CACNA1E: variants seen among roughly 807,000 people sequenced by gnomAD.
The protein encoded by CACNA1E is calcium voltage-gated channel subunit alpha1 E.
Under a neutral mutation model 259.2 loss-of-function variants are expected in CACNA1E, and 40 were observed. The ratio of observed to expected loss-of-function variants is 0.15; its 90% CI spans 0.12 to 0.20. The LOEUF (loss-of-function observed/expected upper bound fraction) is 0.20, where lower values mean the gene tolerates loss of function less well. Ranked by LOEUF, CACNA1E falls within the 10% of genes least tolerant of loss-of-function variation. CACNA1E has a pLI of 1.00. For synonymous variants in CACNA1E, 1,104 were observed against 1,138.5 expected, an observed-to-expected ratio of 0.97 and a Z score of 0.61; for missense variants, 1,874 against 3,040.1, an observed-to-expected ratio of 0.62 and a Z score of 9.02.
chr1:181,622,442 C>T (rs1456738571), intron 6 of CACNA1E, among the ~76,000 whole-genome samples: 1 of 152,186 alleles, frequency 6.6e-6, no homozygotes, highest in East Asian at 1.9e-4. Flanking sequence ...GTTCTGGAGG[C>T]TGGGAGTCCT....
chr1:181,600,288 T>A (rs552733999), intron 6 of CACNA1E, among the ~76,000 whole-genome samples: 1 of 152,290 alleles, frequency 6.6e-6, no homozygotes, highest in South Asian at 2.1e-4. Context: ...CAGGGCCAGA[T>A]CAGGTTGGGC....
intron 7 of CACNA1E, among the ~76,000 whole-genome samples, chr1:181,657,137 A>C (rs1659272641): frequency 6.6e-6 from 1 of 152,250 alleles, no homozygotes; most frequent in Non-Finnish European, 1.5e-5. Context: ...AATTGTTACC[A>C]GTAAGAAATA....
intron 6 of CACNA1E, among the ~76,000 whole-genome samples, chr1:181,639,246 C>T (rs139044407): frequency 6.6e-5 from 10 of 152,208 alleles, no homozygotes; most frequent in African/African-American, 2.2e-4. Flanking sequence ...TGCCACCATG[C>T]CCGGCTAATT....
chr1:181,583,212 C>A (rs1291971376), intron 6 of CACNA1E, among the ~76,000 whole-genome samples: 2 of 151,914 alleles, frequency 1.3e-5, no homozygotes, highest in Non-Finnish European at 2.9e-5. Context: ...ATTATAAATA[C>A]ATGTATACAT....
intron 2 of CACNA1E, among the ~76,000 whole-genome samples, chr1:181,464,869 TA>T (rs1037262464): frequency 9.9e-5 from 15 of 152,164 alleles, no homozygotes; most frequent in Non-Finnish European, 1.9e-4. Context: ...CTGCCCACTT[TA>T]CGTGGCATTG....
At chr1:181,377,897 T>C (rs1369237957) in intron 1 of CACNA1E, among the ~76,000 whole-genome samples, 1 of 152,228 alleles carries the variant, frequency 6.6e-6, no homozygotes, top group Non-Finnish European at 1.5e-5. Flanking sequence ...AATAACACAC[T>C]ATCCATTCTC....
In CACNA1E at chr1:181,758,972, C is replaced by T. The variant is rs1658336637; in HGVS notation, c.4605+104C>T. 4.3e-6 allele frequency: 3 copies of T among 693,314 alleles called. 1 individual carries two copies. The African/African-American group carries it at 5.3e-5, about 12-fold the overall frequency. The allele number at this position is 693,314 out of a possible 1,614,324, so 42.9% of individuals were successfully genotyped here. ...TGGTTACTGCTATTCCAGAAATCAC[C>T]CACCTAGATGTGGGCTCGTTTTGAC... On this transcript the variant is annotated intron_variant, in intron 32 of 47. Coordinates refer to ENST00000367573, the MANE Select transcript of CACNA1E (RefSeq NM_001205293.3). This position sits in a 1 kb window ranked among gnomAD's most constrained non-coding sequence, Gnocchi z 4.2.
intron 1 of CACNA1E, among the ~76,000 whole-genome samples, chr1:181,487,386 A>G (rs953941936): frequency 6.6e-5 from 10 of 152,168 alleles, no homozygotes; most frequent in African/African-American, 2.4e-4. Flanking sequence ...TCTAGTTCTT[A>G]TGGGAAGAAA....
intron 18 of CACNA1E, among the ~76,000 whole-genome samples, chr1:181,730,508 A>ATACTC (rs572337754): frequency 1.3e-5 from 2 of 152,246 alleles, no homozygotes; most frequent in African/African-American, 4.8e-5. Context: ...AAGAAGGTCA[A>ATACTC]TACTCTGCTC....
chr1:181,510,582 G>A lies in CACNA1E; in HGVS notation c.372G>A (p.Leu124=), dbSNP rs777684224. 3.2e-6 allele frequency: 5 copies of A among 1,585,862 alleles called. No individual in the cohort carries two copies. Among genetic ancestry groups the A allele is most frequent in the Admixed American group, 1.7e-5 (1 of 59,988 alleles). The change falls in exon 2 of 48, where the codon CTG becomes CTA. Residue 124 remains leucine, a splice_region_variant and synonymous_variant. Coordinates refer to ENST00000367573, the MANE Select transcript of CACNA1E (RefSeq NM_001205293.3). The part of the protein sequence containing the change: ...EDDKTPMSRR[L]EKTEPYFIGI... The stretch of plus-strand genomic sequence containing the variant: ...ACAAGACCCCCATGTCCCGAAGACT[G>A]GTATGTGATTCCCCTCCTTCTCCCC...
At chr1:181,412,587 CT>C (rs1356420706) in intron 1 of CACNA1E, among the ~76,000 whole-genome samples, 1 of 151,878 alleles carries the variant, frequency 6.6e-6, no homozygotes, top group East Asian at 1.9e-4. Flanking sequence ...GAGAGACCAC[CT>C]TGTGGCTTGG....
At chr1:181,668,943 A>G (rs1648523106) in intron 7 of CACNA1E, 1 of 152,164 alleles carries the variant, frequency 6.6e-6, no homozygotes, top group African/African-American at 2.4e-5. Flanking sequence ...CAGGAGGATC[A>G]CTTGAACCCA....
At chr1:181,763,808 C>T (rs1165979784) in intron 34 of CACNA1E, among the ~76,000 whole-genome samples, 1 of 152,180 alleles carries the variant, frequency 6.6e-6, no homozygotes, top group East Asian at 1.9e-4. Context: ...GCAGGGGACA[C>T]ATTTTATAAG....
intron 3 of CACNA1E, among the ~76,000 whole-genome samples, chr1:181,574,183 C>T (rs1017238396): frequency 1.2e-4 from 19 of 152,238 alleles, no homozygotes; most frequent in Non-Finnish European, 1.2e-4. Context: ...TAATACGTGC[C>T]GGGCTTAATA....
At chr1:181,524,775 A>G (rs1667234026) in intron 3 of CACNA1E, among the ~76,000 whole-genome samples, 1 of 152,240 alleles carries the variant, frequency 6.6e-6, no homozygotes, top group African/African-American at 2.4e-5. Flanking sequence ...AGGAACAGCC[A>G]TGTGGCTCAG....
chr1:181,401,184 G>A (rs548052014), intron 1 of CACNA1E, among the ~76,000 whole-genome samples: 1 of 151,888 alleles, frequency 6.6e-6, no homozygotes, highest in Non-Finnish European at 1.5e-5. Context: ...CACTTATTTC[G>A]AATATGCTGA....
chr1:181,658,801 G>C (rs1659416499), intron 7 of CACNA1E, among the ~76,000 whole-genome samples: 1 of 152,128 alleles, frequency 6.6e-6, no homozygotes, highest in African/African-American at 2.4e-5. Context: ...TTCACAATAG[G>C]GGCCTTATAG....
chr1:181,356,845 C>T (rs1557938463), intron 1 of CACNA1E, among the ~76,000 whole-genome samples: 1 of 152,080 alleles, frequency 6.6e-6, no homozygotes, highest in Non-Finnish European at 1.5e-5. Flanking sequence ...CCTCCCCACT[C>T]TCCTGAGCCC....
rs117494731 is a variant in CACNA1E at position 181,326,971 on chromosome 1, T to G, written c.-15+8848T>G. Among the ~76,000 whole-genome samples, 863 of 152,286 alleles carry G rather than the reference T, an allele frequency of 5.7e-3. 7 individuals are homozygous for G. The highest frequency in any genetic ancestry group is 0.028 in the East Asian group (147 of 5,158). On this transcript the variant is annotated intron_variant, in intron 1 of 11. Transcript: ENST00000524607. ...CTGGCTCTCAGTTGCTCATCCTGAT[T>G]CCTCAATCCCTTTGGGCTGTCCTGG...
Sources: gnomAD v4.1 joint callset for allele counts (sites outside exome capture counted in the v4.1 genomes callset) on GRCh38, gnomAD v4.1.1 for gene constraint, Gnocchi (gnomAD v3.1) non-coding constraint, MANE v1.5 for transcripts, NCBI Gene and HGNC (gene_info 2026-07-23, HGNC 2026-07-21) for gene names.